Variants in PECAM1 observed in about 807,000 individuals in gnomAD.
PECAM1 encodes platelet and endothelial cell adhesion molecule 1.
PECAM1 carries 8 observed loss-of-function variants against 13.8 expected under a neutral mutation model. The ratio of observed to expected loss-of-function variants is 0.58; its 90% CI spans 0.34 to 1.05. The LOEUF is 1.05. PECAM1 is among the 50% of genes least tolerant of loss of function. PECAM1 has a pLI of 0.03. For missense variants in PECAM1, 304 were observed against 141.2 expected, an observed-to-expected ratio of 2.15 and a Z score of -5.84; for synonymous variants, 136 against 52.6, an observed-to-expected ratio of 2.58 and a Z score of -6.86.
chr17:64,354,856 AG>A (rs2035812884), intron 9 of PECAM1, 76 bp downstream of exon 9: 8 of 466,944 alleles, frequency 1.7e-5, no homozygotes, highest in Admixed American at 1.0e-4. Flanking sequence ...TCCAGGGGTC[AG>A]AAAAGCACCA....
chr17:64,339,666 T>G (rs2035376445), intron 14 of PECAM1, among the ~76,000 whole-genome samples: 1 of 152,192 alleles, frequency 6.6e-6, no homozygotes, highest in South Asian at 2.1e-4. Context: ...ATATGGAGAT[T>G]GTGAAATGAG....
chr17:64,331,018 G>A (rs1488106973), intron 14 of PECAM1, among the ~76,000 whole-genome samples: 3 of 152,004 alleles, frequency 2.0e-5, no homozygotes, highest in Non-Finnish European at 4.4e-5. Flanking sequence ...TAACACCACC[G>A]GTATCCTCTT....
chr17:64,326,319 T>G (rs2034958487), intron 15 of PECAM1, among the ~76,000 whole-genome samples: 2 of 152,228 alleles, frequency 1.3e-5, no homozygotes, highest in Admixed American at 6.5e-5. Context: ...ACAGCCAGCC[T>G]GGCTGGCTTC....
chr17:64,360,604 G>GTGTGTGTC (rs1252367078), intron 6 of PECAM1, among the ~76,000 whole-genome samples, 189 bp from the exon 7 acceptor site: 3 of 151,808 alleles, frequency 2.0e-5, no homozygotes, highest in African/African-American at 7.3e-5. Flanking sequence ...GTGTGTGTGT[G>GTGTGTGTC]TGTGTGTGTG....
At chr17:64,386,147 T>A (rs2036588618) in intron 2 of PECAM1, among the ~76,000 whole-genome samples, 2 of 152,068 alleles carry the variant, frequency 1.3e-5, no homozygotes, top group Admixed American at 1.3e-4. Context: ...TGTTCTAGAA[T>A]GAATCCCAGC....
chr17:64,332,781 T>C (rs559408481), intron 14 of PECAM1, among the ~76,000 whole-genome samples: 68 of 152,298 alleles, frequency 4.5e-4, no homozygotes, highest in Admixed American at 1.1e-3. Context: ...GTATACTGGG[T>C]GGCAGGGGAT....
chr17:64,361,973 A>C (rs2035993516), intron 6 of PECAM1, among the ~76,000 whole-genome samples: 1 of 152,200 alleles, frequency 6.6e-6, no homozygotes, highest in South Asian at 2.1e-4. Context: ...AGCATTAAAA[A>C]TAGGCTAAAA....
rs2034816355 is a variant in PECAM1, at chr17:64,321,803, G to C, written c.*2013C>G. 3 of 1,335,794 alleles carry C rather than the reference G, an allele frequency of 2.2e-6. No homozygotes were observed. The Admixed American group carries it at 5.8e-5, about 26-fold the overall frequency. The allele number at this position is 1,335,794 out of a possible 1,614,324, so 82.7% of individuals were successfully genotyped here. A position where few individuals can be genotyped will look rare whatever the true frequency, so the allele number is the denominator to read the frequency against. On this transcript the variant is annotated 3_prime_UTR_variant, in exon 16 of 16. Transcript: ENST00000563924. Reference sequence around the variant, plus strand: ...CAAAAAATTCAGTCGTGCTGCATAAGTAAGGCACCAGGAGTAGGAATAGGG... The same window carrying C: ...CAAAAAATTCAGTCGTGCTGCATAACTAAGGCACCAGGAGTAGGAATAGGG...
At chr17:64,379,537 G>A (rs1027537874) in intron 2 of PECAM1, among the ~76,000 whole-genome samples, 3 of 152,148 alleles carry the variant, frequency 2.0e-5, no homozygotes, top group Non-Finnish European at 4.4e-5. Context: ...GGCAATGCCT[G>A]TAGGTGCTTC....
chr17:64,363,372 T>C lies in PECAM1; in HGVS notation c.993A>G (p.Glu331=). 1 of 475,414 alleles carries C rather than the reference T, an allele frequency of 2.1e-6. No individual in the cohort carries two copies. Among genetic ancestry groups the C allele is most frequent in the Non-Finnish European group, 3.9e-6 (1 of 259,100 alleles). 29.4% of individuals were successfully genotyped at this position (475,414 alleles called of 1,614,324 possible). A position where few individuals can be genotyped will look rare whatever the true frequency, so the allele number is the denominator to read the frequency against. ...CTTGGTCCAGATGTGTGAAGGAAGA[T>C]TCCAGTTCGGGCTTGGAAAATAGTT... ...ITELFSKPEL[E]SSFTHLDQGE... is the part of the protein sequence containing the mutation. The change falls in exon 6 of 16, where the codon GAA becomes GAG. Residue 331 remains glutamate (E), a synonymous_variant. Transcript: ENST00000563924.
In PECAM1 at chr17:64,360,305, G is replaced by T; in HGVS notation, c.1327C>A (p.Gln443Lys). 2.1e-6 allele frequency: 1 copy of T among 475,300 alleles called. No individual in the cohort carries two copies. Among genetic ancestry groups the T allele is most frequent in the Non-Finnish European group, 3.9e-6 (1 of 259,034 alleles). 29.4% of individuals were successfully genotyped at this position (475,300 alleles called of 1,614,324 possible). A position where few individuals can be genotyped will look rare whatever the true frequency, so the allele number is the denominator to read the frequency against. Residue 443 changes from glutamine (Q) to lysine (K), a missense_variant, in exon 7 of 16, where the codon CAA becomes AAA. Transcript: ENST00000563924. ...AAAACTTTACTTGTTTTTAAAAGTT[G>T]GTAAGAAATAGGCAAAGTTCCACTG... ...SISGTLPISY[Q>K]LLKTSKVLEN...
intron 14 of PECAM1, among the ~76,000 whole-genome samples, chr17:64,331,526 G>T (rs2035118917): frequency 6.6e-6 from 1 of 152,216 alleles, no homozygotes; most frequent in Non-Finnish European, 1.5e-5. Flanking sequence ...GTGTTTGCCT[G>T]GCCCTGCCAG....
intron 14 of PECAM1, among the ~76,000 whole-genome samples, chr17:64,336,713 C>T (rs2035285480): frequency 6.6e-6 from 1 of 152,088 alleles, no homozygotes; most frequent in African/African-American, 2.4e-5. Context: ...GGCGAATTAG[C>T]TGGGCATGGT....
chr17:64,336,480 T>C (rs1379407783), intron 14 of PECAM1, among the ~76,000 whole-genome samples: 3 of 151,622 alleles, frequency 2.0e-5, no homozygotes, highest in Non-Finnish European at 4.4e-5. Context: ...ATGTAGGGAG[T>C]GAAGGAAAAG....
chr17:64,334,194 C>G (rs886289548), intron 14 of PECAM1, among the ~76,000 whole-genome samples: 1 of 151,672 alleles, frequency 6.6e-6, no homozygotes, highest in Admixed American at 6.6e-5. Flanking sequence ...CCCCCACTGT[C>G]TGCAAGCTTT....
chr17:64,378,388 T>A (rs2036410506), intron 2 of PECAM1, among the ~76,000 whole-genome samples: 1 of 152,148 alleles, frequency 6.6e-6, no homozygotes, highest in Non-Finnish European at 1.5e-5. Context: ...ACGCCTATAA[T>A]CCCAGCACTT....
intron 14 of PECAM1, among the ~76,000 whole-genome samples, chr17:64,333,822 C>T (rs1029221647): frequency 2.7e-5 from 4 of 150,002 alleles, no homozygotes; most frequent in South Asian, 4.2e-4. Context: ...TTGCTGGGTG[C>T]GGTGGTGCAT....
chr17:64,338,580 G>A (rs2035344643), intron 14 of PECAM1, among the ~76,000 whole-genome samples: 1 of 151,700 alleles, frequency 6.6e-6, no homozygotes, highest in Admixed American at 6.6e-5. Flanking sequence ...TTTTTGAGAT[G>A]GAGTTTCATT....
At chr17:64,358,118 T>TTTTTC (rs2035888582) in intron 7 of PECAM1, among the ~76,000 whole-genome samples, 1 of 132,754 alleles carries the variant, frequency 7.5e-6, no homozygotes, top group East Asian at 2.3e-4. Flanking sequence ...AGTCTTTTTT[T>TTTTTC]TTTTTTTTTT....
Sources: allele counts gnomAD v4.1 joint callset (sites outside exome capture counted in the v4.1 genomes callset), GRCh38; gene constraint gnomAD v4.1.1; transcripts MANE v1.5; gene names NCBI Gene and HGNC (gene_info 2026-07-23, HGNC 2026-07-21).